MICAL1: variants seen among roughly 807,000 people sequenced by gnomAD.
MICAL1 encodes the protein [F-actin]-monooxygenase MICAL1.
Under a neutral mutation model 131.8 loss-of-function variants are expected in MICAL1, and 95 were observed. The observed-to-expected ratio is 0.72, with a 90% CI of 0.61 to 0.86. The LOEUF is 0.86. Ranked by LOEUF, MICAL1 falls within the 40% of genes least tolerant of loss-of-function variation. The pLI is 0.00. For synonymous variants in MICAL1, 546 were observed against 554.2 expected, an observed-to-expected ratio of 0.99 and a Z score of 0.21; for missense variants, 1,292 against 1,380.6, an observed-to-expected ratio of 0.94 and a Z score of 1.02.
chr6:109,451,744 T>C (rs758495508), intron 6 of MICAL1, 44 bp from the exon 7 acceptor site: 4 of 1,608,236 alleles, frequency 2.5e-6, no homozygotes, highest in Non-Finnish European at 2.5e-6. Context: ...CTCCTGATAA[T>C]GCATCACCTT....
At position 109,445,534 on chromosome 6, in the gene MICAL1, A is replaced by G. The variant is rs1433662344; in HGVS notation, c.2674-5T>C. 2 of 1,613,960 alleles carry G rather than the reference A, an allele frequency of 1.2e-6. No individual in the cohort carries two copies. The highest frequency in any genetic ancestry group is 4.5e-5 in the East Asian group (2 of 44,880). On this transcript the variant is annotated splice_region_variant and splice_polypyrimidine_tract_variant and intron_variant, in intron 20 of 24. Coordinates refer to ENST00000358807, the MANE Select transcript of MICAL1 (RefSeq NM_022765.4). ...CTTGGCAAAGGTCTGCAGGGCCTAT[A>G]GGAGGGTCAGGCCAGTCAGGGATAG... is the stretch of plus-strand genomic sequence containing the variant.
At chr6:109,451,840 G>A (rs972832081) in intron 6 of MICAL1, 140 bp from the exon 7 acceptor site, 4 of 1,441,418 alleles carry the variant, frequency 2.8e-6, no homozygotes, top group Non-Finnish European at 3.6e-6. Context: ...AACCCCACGA[G>A]TCCTGATGAC....
At chr6:109,452,177 G>C in intron 6 of MICAL1, 69 bp downstream of exon 6, 5 of 1,546,534 alleles carry the variant, frequency 3.2e-6, no homozygotes, top group Non-Finnish European at 4.4e-6. Flanking sequence ...GACAAGTTTG[G>C]AAGGGAGAGG....
chr6:109,445,455 A>C lies in MICAL1; in HGVS notation c.2748T>G (p.Arg916=). 1 of 1,614,036 alleles carries C rather than the reference A, an allele frequency of 6.2e-7. No homozygotes were observed. The highest frequency in any genetic ancestry group is 8.5e-7 in the Non-Finnish European group (1 of 1,180,032). The change falls in exon 21 of 25, where the codon CGT becomes CGG. Residue 916 remains arginine, a synonymous_variant. Coordinates refer to ENST00000358807, the MANE Select transcript of MICAL1 (RefSeq NM_022765.4). ...YPTWRRTLLR[R]AKEEEMKRFC... is the part of the protein sequence containing the mutation. The stretch of plus-strand genomic sequence containing the variant: ...ACCTCTTCATCTCCTCCTCCTTCGC[A>C]CGGCGCAGCAGAGTCCGACGCCATG...
Position 109,449,397 on chromosome 6 carries a change from C to T in MICAL1, c.1516+3G>A, listed in dbSNP as rs772465692. On this transcript the variant is annotated splice_donor_region_variant and intron_variant, in intron 11 of 24. Coordinates refer to ENST00000358807, the MANE Select transcript of MICAL1 (RefSeq NM_022765.4). ...TCACCCCTTGGGAGGAAGGCCTGCT[C>T]ACCGGTGGCTGGCATCCCTGTATCT... is the stretch of plus-strand genomic sequence containing the variant. 1 of 1,614,204 alleles carries T rather than the reference C, an allele frequency of 6.2e-7. No individual in the cohort carries two copies. The highest frequency in any genetic ancestry group is 8.5e-7 in the Non-Finnish European group (1 of 1,180,032).
In MICAL1 at chr6:109,446,222, T is replaced by C; in HGVS notation, c.2495A>G (p.Lys832Arg). The change falls in exon 19 of 25, where the codon AAG becomes AGG. Residue 832 changes from lysine to arginine, a missense_variant. Transcript: ENST00000358807. Reference protein sequence around the residue: ...TPDPEMEPPPKPPRSCSALAR... With the variant: ...TPDPEMEPPPRPPRSCSALAR... ...CAAGGCGGAGCAGCTGCGGGGAGGC[T>C]TGGGTGGAGGCTCCATTTCCGGGTC... The C allele has an allele frequency of 6.2e-7, 1 of 1,605,138 alleles. No individual in the cohort carries two copies. The highest frequency in any genetic ancestry group is 8.5e-7 in the Non-Finnish European group (1 of 1,176,312).
upstream of MICAL1, among the ~76,000 whole-genome samples, chr6:109,457,418 T>C (rs182244839): frequency 3.3e-5 from 5 of 152,250 alleles, no homozygotes; most frequent in African/African-American, 1.2e-4. Flanking sequence ...TGATTCAAAA[T>C]GATGCGTGAA....
rs546380990 is a variant in MICAL1 at position 109,462,194 on chromosome 6, CAG to C, written c.14+3468_14+3469del. ...CTGGTGTTCTTAAAAGAGAGTAAGACAGAGGGAAGGACATGTGAAGATACAGG... is the reference window on the plus strand; with the variant it reads ...CTGGTGTTCTTAAAAGAGAGTAAGACAGGGAAGGACATGTGAAGATACAGG... On this transcript the variant is annotated intron_variant, in intron 1 of 24. Coordinates refer to the MICAL1 transcript ENST00000630715. 1.3e-3 allele frequency among the ~76,000 whole-genome samples: 192 copies of C among 152,258 alleles called. 2 individuals carry two copies. The highest frequency in any genetic ancestry group is 7.9e-3 in the South Asian group (38 of 4,824).
At chr6:109,445,651 G>A in intron 20 of MICAL1, 120 bp downstream of exon 20, 2 of 1,501,530 alleles carry the variant, frequency 1.3e-6, no homozygotes, top group Non-Finnish European at 1.8e-6. Flanking sequence ...AAAAGGTAGA[G>A]GCCAGAGATA....
upstream of MICAL1, chr6:109,455,904 G>A (rs2115343291): frequency 1.0e-6 from 1 of 985,466 alleles, no homozygotes; most frequent in Admixed American, 6.1e-5. The surrounding 1 kb of genome is among the most constrained non-coding windows in gnomAD (Gnocchi z 4.7). Context: ...GGGGCGCGGG[G>A]CGCCGCCCGG....
At chr6:109,451,896 G>A in intron 6 of MICAL1, 196 bp from the exon 7 acceptor site, 1 of 1,397,396 alleles carries the variant, frequency 7.2e-7, no homozygotes, top group Non-Finnish European at 9.3e-7. Flanking sequence ...AGGACTTAGA[G>A]CAAAGAGGGA....
chr6:109,450,597 A>C (rs1301111455), intron 7 of MICAL1, 40 bp from the exon 8 acceptor site: 1 of 1,569,866 alleles, frequency 6.4e-7, no homozygotes, highest in East Asian at 2.3e-5. Context: ...GACCTCTGAG[A>C]GCAGGGTCAG....
exon 1 of MICAL1, chr6:109,465,746 C>T: frequency 6.2e-7 from 1 of 1,612,014 alleles, no homozygotes; most frequent in Non-Finnish European, 8.5e-7. Flanking sequence ...CTCACAGAAG[C>T]ATCTGCAAGT....
Position 109,450,433 on chromosome 6 carries a change from T to G in MICAL1, c.1058A>C (p.Gln353Pro), listed in dbSNP as rs772041731. ...GACATCAGGCTGCCCATGGGCATCCTGGGCAAACTCTAGTTTCCCGAGCTT... is the reference window on the plus strand; with the variant it reads ...GACATCAGGCTGCCCATGGGCATCCGGGGCAAACTCTAGTTTCCCGAGCTT... ...HGKLGKLEFAQDAHGQPDVSA... is the reference protein window; with the variant it reads ...HGKLGKLEFAPDAHGQPDVSA... The change falls in exon 8 of 25, where the codon CAG (glutamine) becomes CCG (proline). Residue 353 changes from glutamine (Q) to proline (P), a missense_variant. By Grantham distance (76) the Gln-to-Pro change is moderately conservative. Transcript: ENST00000358807. The G allele has an allele frequency of 6.2e-7, 1 of 1,613,486 alleles. No homozygotes were observed. The highest frequency in any genetic ancestry group is 2.2e-5 in the East Asian group (1 of 44,898).
In MICAL1 at chr6:109,454,134, C is replaced by G. The variant is rs747062443; in HGVS notation, c.63G>C (p.Gln21His). The change falls in exon 2 of 25, where the codon CAG (glutamine) becomes CAC (histidine). Residue 21 changes from glutamine (Q) to histidine (H), a missense_variant. By Grantham distance (24) the Gln-to-His change is conservative. Coordinates refer to ENST00000358807, the MANE Select transcript of MICAL1 (RefSeq NM_022765.4). ...HAHFESFLQA[Q>H]LCQDVLSSFQ... ...AGCTGCTCAGCACGTCCTGGCACAG[C>G]TGGGCCTGCAGGAAGCTCTCAAAGT... 1 of 1,613,222 alleles carries G rather than the reference C, an allele frequency of 6.2e-7. No homozygotes were observed. Among genetic ancestry groups the G allele is most frequent in the Admixed American group, 1.7e-5 (1 of 59,970 alleles).
chr6:109,457,345 T>C (rs1252188353), upstream of MICAL1, among the ~76,000 whole-genome samples: 1 of 152,034 alleles, frequency 6.6e-6, no homozygotes, highest in African/African-American at 2.4e-5. Context: ...TTTAAATACA[T>C]GGTGTAAAAA....
chr6:109,460,482 G>C (rs1775857713), upstream of MICAL1, among the ~76,000 whole-genome samples: 1 of 147,552 alleles, frequency 6.8e-6, no homozygotes, highest in Non-Finnish European at 1.5e-5. Flanking sequence ...AAAAGCTGTT[G>C]ATGTCCCATG....
intron 3 of MICAL1, 129 bp downstream of exon 3, chr6:109,453,509 G>C: frequency 6.7e-7 from 1 of 1,495,236 alleles, no homozygotes; most frequent in Non-Finnish European, 9.0e-7. Context: ...TGGGGGACCT[G>C]AATCTTCAAG....
Position 109,444,786 on chromosome 6 carries a change from C to T in MICAL1, c.2994G>A (p.Leu998=). 1.2e-6 allele frequency: 2 copies of T among 1,614,168 alleles called. No individual in the cohort carries two copies. Among genetic ancestry groups the T allele is most frequent in the East Asian group, 4.5e-5 (2 of 44,874 alleles). ...GCTGCCACTGTTTCTCCTCCAGATTCAATTCCTGCACCCTGTGGAGGTCAG... is the reference window on the plus strand; with the variant it reads ...GCTGCCACTGTTTCTCCTCCAGATTTAATTCCTGCACCCTGTGGAGGTCAG... ...EAELMITVQE[L]NLEEKQWQLD... Residue 998 remains leucine (L), a synonymous_variant, in exon 24 of 25, where the codon TTG becomes TTA. Transcript: ENST00000358807.
Sources: gnomAD v4.1 joint callset for allele counts (sites outside exome capture counted in the v4.1 genomes callset) on GRCh38, gnomAD v4.1.1 for gene constraint, Gnocchi (gnomAD v3.1) non-coding constraint, MANE v1.5 for transcripts, NCBI Gene and HGNC (gene_info 2026-07-23, HGNC 2026-07-21) for gene names.